The following ITCH variants were observed in gnomAD, a reference collection of about 807,000 sequenced individuals.
The protein encoded by ITCH is E3 ubiquitin-protein ligase Itchy homolog.
Under a neutral mutation model 126.8 loss-of-function variants are expected in ITCH, and 28 were observed. The ratio of observed to expected loss-of-function variants is 0.22; its 90% CI spans 0.16 to 0.30. The LOEUF is 0.30. Among genes scored for constraint, ITCH ranks in the 10% least tolerant of loss-of-function variants. ITCH has a pLI of 1.00. For missense variants in ITCH, 631 were observed against 1,032.4 expected, an observed-to-expected ratio of 0.61 and a Z score of 5.33; for synonymous variants, 342 against 340.0, an observed-to-expected ratio of 1.01 and a Z score of -0.06.
At chr20:34,389,982 G>A (rs1223543703) in intron 2 of ITCH, among the ~76,000 whole-genome samples, 1 of 152,112 alleles carries the variant, frequency 6.6e-6, no homozygotes, top group Non-Finnish European at 1.5e-5. Context: ...TTAGCTAGGT[G>A]TGGTTGTGGG....
At chr20:34,363,717 G>T (rs1246759741) in intron 1 of ITCH, among the ~76,000 whole-genome samples, 1 of 152,008 alleles carries the variant, frequency 6.6e-6, no homozygotes, top group Non-Finnish European at 1.5e-5. Flanking sequence ...CGGCCTACGC[G>T]CGGGGCCCGG....
intron 2 of ITCH, among the ~76,000 whole-genome samples, chr20:34,376,747 T>C (rs540100198): frequency 6.6e-6 from 1 of 152,226 alleles, no homozygotes; most frequent in Non-Finnish European, 1.5e-5. Flanking sequence ...TAAATGGTAT[T>C]TTGTGAAGAT....
chr20:34,449,327 G>A (rs989011817), intron 11 of ITCH, 84 bp from the exon 12 acceptor site: 7 of 795,330 alleles, frequency 8.8e-6, no homozygotes, highest in African/African-American at 8.5e-5. Flanking sequence ...ACATTGCCAG[G>A]GAAGGGAAAT....
At chr20:34,401,742 C>T in intron 3 of ITCH, 1 of 563,174 alleles carries the variant, frequency 1.8e-6, no homozygotes. Context: ...GAAAAACAAA[C>T]CTCCCCCCTA....
intron 2 of ITCH, among the ~76,000 whole-genome samples, chr20:34,385,696 C>T (rs1324173479): frequency 6.6e-6 from 1 of 152,116 alleles, no homozygotes; most frequent in African/African-American, 2.4e-5. Context: ...TACTGTTGAA[C>T]CTCGAAAGTT....
chr20:34,438,667 T>A lies in ITCH; in HGVS notation c.679+36T>A, dbSNP rs116524084. On this transcript the variant is annotated intron_variant, in intron 8 of 24. Coordinates refer to ENST00000374864, the MANE Select transcript of ITCH (RefSeq NM_031483.7). ...CAGCTCTCAATACTCTTGGAAATAA[T>A]GTCCTGGTTGGCAATTAATCCTCAG... The A allele has an allele frequency of 1.4e-3, 2,179 of 1,610,428 alleles. 26 individuals are homozygous for A. The African/African-American group carries it at 0.026, about 19-fold the overall frequency.
intron 14 of ITCH, among the ~76,000 whole-genome samples, chr20:34,465,454 T>G (rs1289358307): frequency 1.3e-5 from 2 of 152,206 alleles, no homozygotes; most frequent in African/African-American, 2.4e-5. Flanking sequence ...TTATTGAATG[T>G]ACAGAATCAA....
chr20:34,499,263 T>C (rs1371456009), intron 23 of ITCH, among the ~76,000 whole-genome samples: 35 of 130,796 alleles, frequency 2.7e-4, no homozygotes, highest in African/African-American at 8.6e-4. Context: ...CGTGAGCCAC[T>C]GTGCCCAGCT....
At chr20:34,463,288 A>G (rs1986716575) in intron 14 of ITCH, among the ~76,000 whole-genome samples, 1 of 152,178 alleles carries the variant, frequency 6.6e-6, no homozygotes, top group South Asian at 2.1e-4. Context: ...GCTTGAACCC[A>G]GGAGGCAGAG....
rs369998790 is a variant in ITCH at position 34,424,462 on chromosome 20, T to C, written c.476-18T>C. ...ACTCTCTTGAAACTCATTTTCTGTT[T>C]AAACTTTGATGTTAAAGGTGCTTCT... On this transcript the variant is annotated intron_variant, in intron 6 of 24. Coordinates refer to ENST00000374864, the MANE Select transcript of ITCH (RefSeq NM_031483.7). The C allele has an allele frequency of 3.0e-5, 49 of 1,608,436 alleles. No individual in the cohort carries two copies. Among genetic ancestry groups the C allele is most frequent in the Non-Finnish European group, 4.1e-5 (48 of 1,175,040 alleles).
chr20:34,491,415 T>C (rs893166990), intron 22 of ITCH, among the ~76,000 whole-genome samples: 16 of 152,116 alleles, frequency 1.1e-4, no homozygotes, highest in African/African-American at 3.9e-4. Context: ...AAATGGGAAG[T>C]TGTGTTTAAT....
At chr20:34,418,594 TG>T (rs1300797323) in intron 6 of ITCH, among the ~76,000 whole-genome samples, 4 of 152,138 alleles carry the variant, frequency 2.6e-5, no homozygotes, top group Admixed American at 2.0e-4. Flanking sequence ...AGATCTCAAC[TG>T]GTCTGGGTAC....
intron 10 of ITCH, 70 bp downstream of exon 10, chr20:34,442,373 C>A: frequency 9.0e-7 from 1 of 1,109,912 alleles, no homozygotes; most frequent in South Asian, 1.3e-5. Flanking sequence ...TATAATCTTC[C>A]CTACATTTCT....
chr20:34,418,776 T>TG (rs1555865973), intron 6 of ITCH, among the ~76,000 whole-genome samples: 4 of 149,332 alleles, frequency 2.7e-5, no homozygotes, highest in Admixed American at 2.7e-4. Context: ...TTTTTTTTTT[T>TG]GTGAGACGGG....
At chr20:34,400,865 C>G (rs997850711) in intron 3 of ITCH, among the ~76,000 whole-genome samples, 1 of 151,928 alleles carries the variant, frequency 6.6e-6, no homozygotes, top group Non-Finnish European at 1.5e-5. Flanking sequence ...TCAAGCAATT[C>G]TCATGCCTCA....
At chr20:34,382,728 C>CTAT (rs374784508) in intron 2 of ITCH, among the ~76,000 whole-genome samples, 1,841 of 139,860 alleles carry the variant, frequency 0.013, 14 homozygotes, top group Middle Eastern at 0.041. Context: ...TTTATTATTA[C>CTAT]TATTATTATT....
chr20:34,451,753 A>AG (rs1432565824), intron 12 of ITCH, among the ~76,000 whole-genome samples: 1 of 152,182 alleles, frequency 6.6e-6, no homozygotes, highest in Non-Finnish European at 1.5e-5. Context: ...ATATATCCAA[A>AG]GGATATGTAT....
chr20:34,395,669 C>A (rs1043781899), intron 3 of ITCH, among the ~76,000 whole-genome samples: 1 of 152,204 alleles, frequency 6.6e-6, no homozygotes, highest in Admixed American at 6.5e-5. Context: ...CTAGATTTGC[C>A]TATTCTGGAT....
rs776390329 is a variant in ITCH at position 34,442,272 on chromosome 20, A to G, written c.934A>G (p.Thr312Ala). The G allele has an allele frequency of 6.2e-7, 1 of 1,613,770 alleles. No individual in the cohort carries two copies. Among genetic ancestry groups the G allele is most frequent in the Admixed American group, 1.7e-5 (1 of 60,026 alleles). Residue 312 changes from threonine to alanine, a missense_variant, in exon 10 of 25, where the codon ACA (threonine) becomes GCA (alanine). Physicochemically the swap from Thr to Ala is moderately conservative, Grantham distance 58. Coordinates refer to ENST00000374864, the MANE Select transcript of ITCH (RefSeq NM_031483.7). ...TGTAGATCATGTTGAGAAAAGAACA[A>G]CATGGGATAGACCAGAACCTCTACC... The part of the protein sequence containing the change: ...YYVDHVEKRT[T>A]WDRPEPLPPG...
Sources: gnomAD v4.1 joint callset for allele counts (sites outside exome capture counted in the v4.1 genomes callset) on GRCh38, gnomAD v4.1.1 for gene constraint, MANE v1.5 for transcripts, NCBI Gene and HGNC (gene_info 2026-07-23, HGNC 2026-07-21) for gene names.